ADAM10: variants seen among roughly 807,000 people sequenced by gnomAD.
ADAM10 encodes the protein disintegrin and metalloproteinase domain-containing protein 10.
In ADAM10, 17 loss-of-function variants were observed where a neutral mutation model predicts 90.1. The observed-to-expected ratio is 0.19, with a 90% confidence interval of 0.13 to 0.28. ADAM10 has a LOEUF of 0.28. Ranked by LOEUF, ADAM10 falls within the 10% of genes least tolerant of loss-of-function variation. The pLI, the probability that ADAM10 is intolerant of heterozygous loss-of-function variation, is 1.00. For missense variants in ADAM10, 610 were observed against 914.3 expected (o/e 0.67, Z 4.29); for synonymous variants, 310 against 298.6 (o/e 1.04, Z -0.40).
rs1196222595 is a variant in ADAM10, at chr15:58,591,718, C to T, written c.*5829G>A. The T allele has an allele frequency of 6.6e-6, 1 of 152,194 alleles. No individual in the cohort carries two copies. Among genetic ancestry groups the T allele is most frequent in the Non-Finnish European group, 1.5e-5 (1 of 68,036 alleles). The allele number at this position is 152,194 out of a possible 1,614,324, so 9.4% of individuals were successfully genotyped here. ...CCACACACACCAGCCAACTTCAATC[C>T]TTATTTTTAAGCAAAAACTTATACA... On this transcript the variant is annotated 3_prime_UTR_variant, in exon 16 of 16. Transcript: ENST00000260408.
chr15:58,715,617 GTTTGA>G (rs1182544140), intron 2 of ADAM10, among the ~76,000 whole-genome samples: 1 of 152,106 alleles, frequency 6.6e-6, no homozygotes, highest in Non-Finnish European at 1.5e-5. Context: ...TGAGATCTAT[GTTTGA>G]TTTATGTTTC....
At chr15:58,749,446 C>T (rs1293536055) in intron 1 of ADAM10, 34 bp downstream of exon 1, 1 of 1,522,028 alleles carries the variant, frequency 6.6e-7, no homozygotes, top group South Asian at 1.2e-5. Context: ...CCGCCGTGGT[C>T]GCGGCGCCCC....
At chr15:58,695,797 G>A (rs531325083) in intron 2 of ADAM10, among the ~76,000 whole-genome samples, 4 of 151,982 alleles carry the variant, frequency 2.6e-5, no homozygotes, top group South Asian at 2.1e-4. Context: ...CCTGGCCAAC[G>A]TGGTGAAACC....
chr15:58,703,310 AAC>A (rs1420443728), intron 2 of ADAM10, among the ~76,000 whole-genome samples: 17 of 151,678 alleles, frequency 1.1e-4, no homozygotes, highest in African/African-American at 4.1e-4. Context: ...AAAAAAAAAA[AAC>A]ACACAGAAAT....
intron 2 of ADAM10, chr15:58,691,134 G>T: frequency 1.5e-6 from 1 of 689,522 alleles, no homozygotes; most frequent in Admixed American, 1.8e-5. Flanking sequence ...AATGCGGCAG[G>T]GTGAAGACAC....
At chr15:58,617,347 C>T (rs1895646459) in intron 11 of ADAM10, among the ~76,000 whole-genome samples, 1 of 151,998 alleles carries the variant, frequency 6.6e-6, no homozygotes, top group Non-Finnish European at 1.5e-5. Flanking sequence ...TAATAAATCC[C>T]TGGACACATA....
intron 2 of ADAM10, among the ~76,000 whole-genome samples, chr15:58,683,910 A>G (rs1897517339): frequency 6.6e-6 from 1 of 150,830 alleles, no homozygotes; most frequent in South Asian, 2.1e-4. Flanking sequence ...GTCATCCCTC[A>G]GTATCCACGG....
intron 11 of ADAM10, among the ~76,000 whole-genome samples, chr15:58,614,595 C>G (rs1053887361): frequency 1.7e-4 from 26 of 152,056 alleles, no homozygotes; most frequent in African/African-American, 6.0e-4. Flanking sequence ...TCCCTCATTT[C>G]TGAAGGATAG....
At chr15:58,719,860 A>T (rs1174250975) in intron 1 of ADAM10, among the ~76,000 whole-genome samples, 1 of 152,226 alleles carries the variant, frequency 6.6e-6, no homozygotes, top group Non-Finnish European at 1.5e-5. Context: ...TAAGACTCAC[A>T]GATTAAATGA....
chr15:58,656,157 G>A (rs1007708829), intron 5 of ADAM10, among the ~76,000 whole-genome samples: 33 of 152,058 alleles, frequency 2.2e-4, no homozygotes, highest in Non-Finnish European at 1.0e-4. Context: ...CCGCTGGGAT[G>A]GAATATCTTT....
chr15:58,717,780 A>C, intron 1 of ADAM10, 53 bp from the exon 2 acceptor site: 2 of 1,581,086 alleles, frequency 1.3e-6, no homozygotes, highest in Non-Finnish European at 1.7e-6. Context: ...GACCCCTTCT[A>C]GTTCTAACAC....
At chr15:58,728,446 T>A (rs555588072) in intron 1 of ADAM10, among the ~76,000 whole-genome samples, 6 of 152,238 alleles carry the variant, frequency 3.9e-5, no homozygotes, top group East Asian at 1.9e-4. Context: ...GATTTTTTTT[T>A]AAATAAAAAT....
At chr15:58,714,246 AG>A (rs1199532749) in intron 2 of ADAM10, among the ~76,000 whole-genome samples, 17 of 151,968 alleles carry the variant, frequency 1.1e-4, no homozygotes, top group African/African-American at 2.9e-4. Context: ...TCATGTGCTT[AG>A]ACATAAAAAC....
At chr15:58,732,590 C>T (rs144678266) in intron 1 of ADAM10, 5,933 of 152,268 alleles carry the variant, frequency 0.039, 295 homozygotes, top group African/African-American at 0.11. Context: ...CACCTGTAGT[C>T]CCAGCTACTT....
chr15:58,636,327 G>C (rs1471454470), intron 8 of ADAM10, among the ~76,000 whole-genome samples: 3 of 151,656 alleles, frequency 2.0e-5, no homozygotes, highest in African/African-American at 7.3e-5. Flanking sequence ...AATAGCATAT[G>C]TTGGAGTAAC....
intron 1 of ADAM10, among the ~76,000 whole-genome samples, chr15:58,727,469 G>T (rs1899077494): frequency 6.6e-6 from 1 of 152,052 alleles, no homozygotes; most frequent in Non-Finnish European, 1.5e-5. Flanking sequence ...GGGATTACAG[G>T]TGTGAGCCAC....
At chr15:58,691,409 G>A (rs1264325279) in intron 2 of ADAM10, 6 of 710,902 alleles carry the variant, frequency 8.4e-6, no homozygotes, top group Admixed American at 1.8e-5. Context: ...CAAAAGCAGA[G>A]TTGGCTACCT....
At chr15:58,685,561 T>TATATATATATAC (rs1897572773) in intron 2 of ADAM10, among the ~76,000 whole-genome samples, 1 of 89,794 alleles carries the variant, frequency 1.1e-5, no homozygotes, top group African/African-American at 6.7e-5. Context: ...TATATATATA[T>TATATATATATAC]ATATATATAT....
intron 9 of ADAM10, among the ~76,000 whole-genome samples, chr15:58,630,866 C>A (rs1772468986): frequency 6.6e-6 from 1 of 152,106 alleles, no homozygotes; most frequent in South Asian, 2.1e-4. Flanking sequence ...GGATGTCTGT[C>A]CCCCCAAATT....
Sources: allele counts gnomAD v4.1 joint callset (sites outside exome capture counted in the v4.1 genomes callset), GRCh38; gene constraint gnomAD v4.1.1; transcripts MANE v1.5; gene names NCBI Gene and HGNC (gene_info 2026-07-23, HGNC 2026-07-21).